PDE10A: variants seen among roughly 807,000 people sequenced by gnomAD.
PDE10A encodes cAMP and cAMP-inhibited cGMP 3',5'-cyclic phosphodiesterase 10A.
Under a neutral mutation model 97.7 loss-of-function variants are expected in PDE10A, and 39 were observed. The observed-to-expected ratio is 0.40, with a 90% CI of 0.31 to 0.52. PDE10A has a LOEUF of 0.52. Among genes scored for constraint, PDE10A ranks in the 20% least tolerant of loss-of-function variants. The pLI is 0.56. For missense variants in PDE10A, 731 were observed against 1,047.8 expected (o/e 0.70, Z 4.17); for synonymous variants, 371 against 376.8 (o/e 0.98, Z 0.18).
intron 1 of PDE10A, among the ~76,000 whole-genome samples, chr6:165,719,230 A>C (rs1215829966): frequency 2.0e-5 from 3 of 152,224 alleles, no homozygotes; most frequent in African/African-American, 7.2e-5. Context: ...GCTGAAGTCC[A>C]GGAGTCTCAT....
At chr6:165,493,678 G>A (rs905479876) in intron 2 of PDE10A, among the ~76,000 whole-genome samples, 1 of 152,132 alleles carries the variant, frequency 6.6e-6, no homozygotes, top group Non-Finnish European at 1.5e-5. Context: ...ATCAACTCAA[G>A]ATGGATCAAA....
intron 2 of PDE10A, among the ~76,000 whole-genome samples, chr6:165,530,465 T>C (rs142602097): frequency 6.6e-6 from 1 of 151,696 alleles, no homozygotes; most frequent in Non-Finnish European, 1.5e-5. Context: ...ACATTAAAAG[T>C]GGGCAAATGA....
intron 2 of PDE10A, among the ~76,000 whole-genome samples, chr6:165,487,159 A>C (rs1779970650): frequency 1.3e-5 from 2 of 152,244 alleles, no homozygotes; most frequent in Admixed American, 1.3e-4. Flanking sequence ...TGTTTGAGAC[A>C]ACTTCAAATC....
chr6:165,408,947 C>T (rs1018212347), intron 13 of PDE10A, among the ~76,000 whole-genome samples: 3 of 151,028 alleles, frequency 2.0e-5, no homozygotes, highest in Non-Finnish European at 4.4e-5. Context: ...GGGCGGATCA[C>T]GAGGTCAGGA....
chr6:165,877,231 C>T (rs951398555), intron 1 of PDE10A, among the ~76,000 whole-genome samples: 2 of 152,292 alleles, frequency 1.3e-5, no homozygotes, highest in Middle Eastern at 3.4e-3. Context: ...AGCATTTCTT[C>T]CTCTTCTGGT....
intron 1 of PDE10A, among the ~76,000 whole-genome samples, chr6:165,752,334 A>T (rs1230815496): frequency 6.6e-6 from 1 of 152,060 alleles, no homozygotes; most frequent in East Asian, 1.9e-4. Flanking sequence ...TCTCAGGCTA[A>T]GCCCCAGTTT....
intron 1 of PDE10A, among the ~76,000 whole-genome samples, chr6:165,582,836 T>C (rs1785693609): frequency 6.6e-6 from 1 of 152,140 alleles, no homozygotes; most frequent in Non-Finnish European, 1.5e-5. Flanking sequence ...ATTAAAACAA[T>C]ATAAAATATA....
intron 1 of PDE10A, among the ~76,000 whole-genome samples, chr6:165,614,053 G>C (rs1204482404): frequency 1.3e-5 from 2 of 152,150 alleles, no homozygotes; most frequent in African/African-American, 2.4e-5. Context: ...TAAGCACCAA[G>C]TTGTGCTAAT....
chr6:165,821,534 C>T (rs1205394016), intron 1 of PDE10A, among the ~76,000 whole-genome samples: 1 of 106,376 alleles, frequency 9.4e-6, no homozygotes, highest in Non-Finnish European at 2.1e-5. Flanking sequence ...ATTATTTTTC[C>T]GAGACAGTCT....
intron 1 of PDE10A, among the ~76,000 whole-genome samples, chr6:165,891,225 G>T (rs185149686): frequency 6.6e-6 from 1 of 152,274 alleles, no homozygotes; most frequent in Admixed American, 6.5e-5. Context: ...ACATGTAAAT[G>T]ATATCATTCT....
At chr6:165,910,873 A>G (rs1562794371) in intron 1 of PDE10A, 1 of 152,196 alleles carries the variant, frequency 6.6e-6, no homozygotes, top group Non-Finnish European at 1.5e-5. Context: ...CATCTGATCA[A>G]TGCGGATCCT....
chr6:165,534,945 C>A (rs959370182), intron 2 of PDE10A, among the ~76,000 whole-genome samples: 1 of 151,926 alleles, frequency 6.6e-6, no homozygotes, highest in Non-Finnish European at 1.5e-5. Flanking sequence ...CCAGCCAGAG[C>A]AATTACACAA....
intron 1 of PDE10A, among the ~76,000 whole-genome samples, chr6:165,906,098 CTTCCTTT>C (rs1782279027): frequency 1.1e-5 from 1 of 90,194 alleles, no homozygotes. Context: ...CCCTTCCTTT[CTTCCTTT>C]CTTCCTTCCT....
intron 1 of PDE10A, among the ~76,000 whole-genome samples, chr6:165,705,049 C>G (rs1162682068): frequency 1.3e-5 from 2 of 152,238 alleles, no homozygotes; most frequent in Non-Finnish European, 2.9e-5. Context: ...AGCCCTGTTC[C>G]CACACAGGGT....
chr6:165,855,481 C>A (rs1780706153), intron 1 of PDE10A, among the ~76,000 whole-genome samples: 1 of 151,584 alleles, frequency 6.6e-6, no homozygotes, highest in South Asian at 2.1e-4. Context: ...CCCTAACAGT[C>A]ATTGGCCGCC....
intron 1 of PDE10A, among the ~76,000 whole-genome samples, chr6:165,732,746 A>G (rs975022305): frequency 1.1e-4 from 16 of 152,206 alleles, no homozygotes; most frequent in African/African-American, 3.9e-4. Context: ...AAAATCTCCC[A>G]ACAGTAGCTC....
At chr6:165,902,190 G>T (rs1473541142) in intron 1 of PDE10A, among the ~76,000 whole-genome samples, 2 of 152,056 alleles carry the variant, frequency 1.3e-5, no homozygotes, top group African/African-American at 4.8e-5. Context: ...CGGAATCTTT[G>T]TTCAGAAAAG....
At chr6:165,608,643 G>A (rs1787343183) in intron 1 of PDE10A, among the ~76,000 whole-genome samples, 2 of 152,032 alleles carry the variant, frequency 1.3e-5, no homozygotes, top group South Asian at 2.1e-4. Context: ...GGGATGGCTG[G>A]GTCAAATGGT....
chr6:165,398,969 A>T (rs1786412909), intron 13 of PDE10A, among the ~76,000 whole-genome samples: 1 of 152,208 alleles, frequency 6.6e-6, no homozygotes. Flanking sequence ...GAGTAAAATT[A>T]AAATGATGGA....
Sources: allele counts gnomAD v4.1 joint callset (sites outside exome capture counted in the v4.1 genomes callset), GRCh38; gene constraint gnomAD v4.1.1; transcripts MANE v1.5; gene names NCBI Gene and HGNC (gene_info 2026-07-23, HGNC 2026-07-21).